KAZN: variants seen among roughly 807,000 people sequenced by gnomAD.
The protein encoded by KAZN is kazrin.
Under a neutral mutation model 87.4 loss-of-function variants are expected in KAZN, and 40 were observed. The observed-to-expected ratio is 0.46, with a 90% confidence interval of 0.36 to 0.60. The LOEUF is 0.60. KAZN is among the 20% of genes least tolerant of loss of function. KAZN has a pLI of 0.00. For missense variants in KAZN, 898 were observed against 1,073.9 expected, an observed-to-expected ratio of 0.84 and a Z score of 2.29; for synonymous variants, 466 against 458.3, an observed-to-expected ratio of 1.02 and a Z score of -0.22.
chr1:14,237,338 A>G (rs1264078011), intron 2 of KAZN, among the ~76,000 whole-genome samples: 1 of 152,206 alleles, frequency 6.6e-6, no homozygotes, highest in Non-Finnish European at 1.5e-5. Flanking sequence ...CTGAGGAGTG[A>G]GCAAGGCCCA....
At chr1:14,515,439 C>T (rs1204425226) in intron 2 of KAZN, among the ~76,000 whole-genome samples, 1 of 152,222 alleles carries the variant, frequency 6.6e-6, no homozygotes, top group Non-Finnish European at 1.5e-5. Context: ...ATGGAAGCGG[C>T]TGTCAGTCCC....
intron 1 of KAZN, chr1:14,924,142 G>A (rs886133274): frequency 4.9e-5 from 48 of 982,390 alleles, no homozygotes; most frequent in Non-Finnish European, 5.8e-5. Context: ...CCGTTCCCAC[G>A]TGAGAGGCTC....
chr1:14,763,448 C>T (rs1644799103), intron 1 of KAZN, among the ~76,000 whole-genome samples: 1 of 152,162 alleles, frequency 6.6e-6, no homozygotes, highest in Non-Finnish European at 1.5e-5. Flanking sequence ...AAATCAATAC[C>T]CCCAATAACA....
chr1:14,756,981 C>T (rs990610913), intron 1 of KAZN, among the ~76,000 whole-genome samples: 3 of 152,180 alleles, frequency 2.0e-5, no homozygotes, highest in African/African-American at 4.8e-5. Flanking sequence ...TTTGTGCATT[C>T]GGGTTTCAGA....
chr1:14,627,436 G>A (rs77108988), intron 1 of KAZN, among the ~76,000 whole-genome samples: 11,010 of 152,098 alleles, frequency 0.072, 1,330 homozygotes, highest in African/African-American at 0.25. Context: ...TGCAGCTGGC[G>A]AGCTGGGAGG....
At chr1:14,429,384 T>C (rs1176296697) in intron 2 of KAZN, among the ~76,000 whole-genome samples, 1 of 152,168 alleles carries the variant, frequency 6.6e-6, no homozygotes, top group Non-Finnish European at 1.5e-5. Flanking sequence ...GTCAGTCTTT[T>C]GAGTCAGTTG....
intron 1 of KAZN, among the ~76,000 whole-genome samples, chr1:14,098,338 G>GT (rs141733037): frequency 0.14 from 21,975 of 152,076 alleles, 2,137 homozygotes; most frequent in Middle Eastern, 0.27. Flanking sequence ...ACAAAGCAGG[G>GT]TTTTTTTGCC....
intron 8 of KAZN, among the ~76,000 whole-genome samples, chr1:15,080,326 G>A (rs1639937307): frequency 6.6e-6 from 1 of 152,178 alleles, no homozygotes; most frequent in African/African-American, 2.4e-5. Context: ...GGACACGTTG[G>A]GGTGGGAGGT....
intron 1 of KAZN, among the ~76,000 whole-genome samples, chr1:13,928,810 T>G (rs1202103248): frequency 3.3e-5 from 5 of 152,000 alleles, no homozygotes; most frequent in Admixed American, 1.3e-4. Flanking sequence ...AGTACATGCC[T>G]TGGAGTGAAA....
At chr1:14,419,230 T>C (rs1359107440) in intron 2 of KAZN, among the ~76,000 whole-genome samples, 1 of 152,142 alleles carries the variant, frequency 6.6e-6, no homozygotes, top group African/African-American at 2.4e-5. Context: ...CTGCTGTCAT[T>C]TTAAAAGTAA....
chr1:14,258,475 T>A (rs1262279226), intron 2 of KAZN, among the ~76,000 whole-genome samples: 1 of 151,202 alleles, frequency 6.6e-6, no homozygotes, highest in South Asian at 2.1e-4. Flanking sequence ...GACCTCGTGA[T>A]CCACCTGCCT....
intron 2 of KAZN, among the ~76,000 whole-genome samples, chr1:14,447,841 A>G (rs2148326084): frequency 6.6e-6 from 1 of 152,322 alleles, no homozygotes; most frequent in Middle Eastern, 3.4e-3. Flanking sequence ...TAAAAAAGAA[A>G]GAAGCTAAAA....
chr1:13,915,915 C>G (rs1178093497), intron 1 of KAZN, among the ~76,000 whole-genome samples: 1 of 151,998 alleles, frequency 6.6e-6, no homozygotes, highest in Admixed American at 6.5e-5. Context: ...ATTCAGATGG[C>G]ATTAGGGAGA....
intron 2 of KAZN, among the ~76,000 whole-genome samples, chr1:14,219,540 C>A (rs1647046419): frequency 6.6e-6 from 1 of 152,124 alleles, no homozygotes; most frequent in East Asian, 1.9e-4. Context: ...GACAGGCAGA[C>A]CTGTAAACAA....
chr1:14,467,674 CAAAAA>C (rs36034022), intron 2 of KAZN, among the ~76,000 whole-genome samples: 2 of 77,344 alleles, frequency 2.6e-5, no homozygotes, highest in African/African-American at 5.1e-5. Context: ...ATCCAAAAGG[CAAAAA>C]AAAAAAAAAA....
intron 2 of KAZN, among the ~76,000 whole-genome samples, chr1:14,269,463 CAG>C (rs1319281391): frequency 2.0e-5 from 3 of 151,990 alleles, no homozygotes; most frequent in Non-Finnish European, 2.9e-5. Context: ...ATGGAAAGAA[CAG>C]AAATAAAAGG....
intron 2 of KAZN, among the ~76,000 whole-genome samples, chr1:14,416,821 G>A (rs1005641090): frequency 1.3e-5 from 2 of 151,916 alleles, no homozygotes; most frequent in Non-Finnish European, 2.9e-5. Flanking sequence ...ATGTGGTGGT[G>A]GCCCATGCTT....
chr1:14,437,778 C>T (rs1320760224), intron 2 of KAZN, among the ~76,000 whole-genome samples: 1 of 152,114 alleles, frequency 6.6e-6, no homozygotes, highest in Non-Finnish European at 1.5e-5. Context: ...CAAAGACATG[C>T]ACGGTACCTC....
At chr1:14,835,950 A>G (rs985157052) in intron 1 of KAZN, among the ~76,000 whole-genome samples, 1 of 152,230 alleles carries the variant, frequency 6.6e-6, no homozygotes, top group Non-Finnish European at 1.5e-5. Flanking sequence ...GATGCAGGCC[A>G]AAATGTTACC....
Sources: gnomAD v4.1 joint callset for allele counts (sites outside exome capture counted in the v4.1 genomes callset) on GRCh38, gnomAD v4.1.1 for gene constraint, MANE v1.5 for transcripts, NCBI Gene and HGNC (gene_info 2026-07-23, HGNC 2026-07-21) for gene names.